PRPF6: variants seen among roughly 807,000 people sequenced by gnomAD.
PRPF6 encodes the protein pre-mRNA processing factor 6.
A neutral mutation model predicts 118.3 loss-of-function variants in PRPF6; 42 were observed. That is an observed-to-expected ratio of 0.35 (90% CI 0.28 to 0.46). The LOEUF is 0.46. PRPF6 is among the 20% of genes least tolerant of loss of function. PRPF6 has a pLI of 1.00. For synonymous variants in PRPF6, 481 were observed against 485.1 expected, an observed-to-expected ratio of 0.99 and a Z score of 0.11; for missense variants, 662 against 1,255.7, an observed-to-expected ratio of 0.53 and a Z score of 7.15.
At chr20:64,005,541 C>T (rs1255542246) in intron 9 of PRPF6, among the ~76,000 whole-genome samples, 1 of 152,010 alleles carries the variant, frequency 6.6e-6, no homozygotes, top group Non-Finnish European at 1.5e-5. Context: ...CTGCTGTCAC[C>T]CTGCTTGGTC....
At chr20:64,022,959 A>T in intron 13 of PRPF6, 81 bp downstream of exon 13, 1 of 1,596,740 alleles carries the variant, frequency 6.3e-7, no homozygotes, top group Non-Finnish European at 8.6e-7. Flanking sequence ...TAAACCTCTC[A>T]TGTCTGCTCA....
intron 14 of PRPF6, 149 bp from the exon 15 acceptor site, chr20:64,025,790 T>C: frequency 7.0e-7 from 1 of 1,426,614 alleles, no homozygotes; most frequent in Non-Finnish European, 9.8e-7. Flanking sequence ...GGCTCTGTCA[T>C]CTCCTCCCTG....
At chr20:64,023,014 A>G in intron 13 of PRPF6, 136 bp downstream of exon 13, 7 of 1,379,940 alleles carry the variant, frequency 5.1e-6, no homozygotes, top group Non-Finnish European at 6.1e-6. Context: ...GGTTGTGATG[A>G]AGGATTTTAT....
Position 64,016,854 on chromosome 20 carries a change from G to C in PRPF6, c.1647+9G>C, listed in dbSNP as rs1569221349. ...TGGAGGATGCTGACAGTGTGAGTTGGCAACAGGGGCCTTTGTCCGTAATAT... is the reference window on the plus strand; with the variant it reads ...TGGAGGATGCTGACAGTGTGAGTTGCCAACAGGGGCCTTTGTCCGTAATAT... On this transcript the variant is annotated intron_variant, in intron 12 of 20. Transcript: ENST00000266079. 2.5e-6 allele frequency: 4 copies of C among 1,614,134 alleles called. No individual in the cohort carries two copies. The highest frequency in any genetic ancestry group is 3.4e-6 in the Non-Finnish European group (4 of 1,180,010).
intron 6 of PRPF6, among the ~76,000 whole-genome samples, chr20:63,998,202 C>T (rs184343181): frequency 6.6e-6 from 1 of 151,988 alleles, no homozygotes; most frequent in East Asian, 2.0e-4. Flanking sequence ...TCATGTGATT[C>T]TCCTGCCTCA....
In PRPF6 at chr20:63,983,029, CTT is replaced by C; in HGVS notation, c.72-17_72-16del. The C allele has an allele frequency of 1.9e-6, 3 of 1,613,376 alleles. No homozygotes were observed. The highest frequency in any genetic ancestry group is 2.5e-6 in the Non-Finnish European group (3 of 1,179,748). ...ACAGAGTTATTCAGACACCCGGTGT[CTT>C]GGGGGTCTCCTGCAGCGCCACTGGC... On this transcript the variant is annotated splice_polypyrimidine_tract_variant and intron_variant, in intron 1 of 20. Coordinates refer to ENST00000266079, the MANE Select transcript of PRPF6 (RefSeq NM_012469.4).
intron 9 of PRPF6, among the ~76,000 whole-genome samples, chr20:64,003,665 G>A (rs186682869): frequency 1.3e-5 from 2 of 152,042 alleles, no homozygotes; most frequent in African/African-American, 2.4e-5. Flanking sequence ...GCACGACCTC[G>A]GCTCTCTGCA....
intron 4 of PRPF6, 122 bp from the exon 5 acceptor site, chr20:63,994,794 G>C (rs538797946): frequency 7.9e-6 from 10 of 1,268,076 alleles, no homozygotes; most frequent in Non-Finnish European, 1.1e-5. Context: ...AACAGTTGCT[G>C]CATCCAAATC....
intron 9 of PRPF6, among the ~76,000 whole-genome samples, chr20:64,005,284 C>T (rs1484078772): frequency 2.6e-5 from 4 of 152,096 alleles, no homozygotes; most frequent in Non-Finnish European, 5.9e-5. Context: ...TCCTGGGAGT[C>T]GTAAGTTAAT....
In PRPF6 at chr20:64,029,652, G is replaced by A. The variant is rs963870878; in HGVS notation, c.2546+161G>A. Among the ~76,000 whole-genome samples, 4 of 152,284 alleles carry A rather than the reference G, an allele frequency of 2.6e-5. No homozygotes were observed. The highest frequency in any genetic ancestry group is 9.6e-5 in the African/African-American group (4 of 41,480). On this transcript the variant is annotated intron_variant, in intron 19 of 20. Coordinates refer to ENST00000266079, the MANE Select transcript of PRPF6 (RefSeq NM_012469.4). The surrounding 1 kb of genome is among the most constrained non-coding windows in gnomAD (Gnocchi z 4.8). ...GCTCCTGCTGTGGTCTGGGGCAGGC[G>A]CCTCTCCTGGCAGACACACCTGAGG...
Position 64,016,728 on chromosome 20 carries a change from C to T in PRPF6, c.1530C>T (p.Ala510=), listed in dbSNP as rs375432837. Residue 510 remains alanine (A), a synonymous_variant, in exon 12 of 21, where the codon GCC becomes GCT. Transcript: ENST00000266079. ...GTTTTGTGTTCCTCTTTCAGGATGCCGAGGAATGTGACAGGGCTGGGAGTG... is the reference window on the plus strand; with the variant it reads ...GTTTTGTGTTCCTCTTTCAGGATGCTGAGGAATGTGACAGGGCTGGGAGTG... The part of the protein sequence containing the change: ...EINREQWIQD[A]EECDRAGSVA... The T allele has an allele frequency of 2.2e-5, 35 of 1,613,908 alleles. No individual in the cohort carries two copies. The Middle Eastern group carries it at 6.6e-4, about 30-fold the overall frequency.
At position 64,026,098 on chromosome 20, in the gene PRPF6, T is replaced by C. The variant is rs1396118992; in HGVS notation, c.2028+40T>C. Reference sequence around the variant, plus strand: ...GCAGGGCTGGGCCGTCTGGGGTGCATGGTGTGCACATGCGGGCCCCACGCC... The same window carrying C: ...GCAGGGCTGGGCCGTCTGGGGTGCACGGTGTGCACATGCGGGCCCCACGCC... On this transcript the variant is annotated intron_variant, in intron 15 of 20. Coordinates refer to ENST00000266079, the MANE Select transcript of PRPF6 (RefSeq NM_012469.4). The surrounding 1 kb of genome is among the most constrained non-coding windows in gnomAD (Gnocchi z 4.4). 7 of 1,597,514 alleles carry C rather than the reference T, an allele frequency of 4.4e-6. No homozygotes were observed. In the Admixed American group the frequency reaches 8.3e-5, roughly 19 times the overall value.
intron 3 of PRPF6, among the ~76,000 whole-genome samples, chr20:63,986,505 T>C (rs1372323057): frequency 4.6e-5 from 7 of 150,866 alleles, no homozygotes; most frequent in African/African-American, 1.7e-4. Flanking sequence ...TTTTTTTTTT[T>C]TGAGACGGAG....
In PRPF6 at chr20:63,995,341, T is replaced by G; in HGVS notation, c.630T>G (p.Leu210=). 6.2e-7 allele frequency: 1 copy of G among 1,612,870 alleles called. No homozygotes were observed. Among genetic ancestry groups the G allele is most frequent in the Non-Finnish European group, 8.5e-7 (1 of 1,179,448 alleles). ...TTCCCCTCCAGCAATTTGGAGGTCT[T>G]AACACACCCTATCCAGGTGGACTAA... The part of the protein sequence containing the change: ...VDPRQTQFGG[L]NTPYPGGLNT... The change falls in exon 6 of 21, where the codon CTT becomes CTG. Residue 210 remains leucine (L), a synonymous_variant. Coordinates refer to ENST00000266079, the MANE Select transcript of PRPF6 (RefSeq NM_012469.4).
chr20:63,986,907 G>A (rs962522586), intron 3 of PRPF6, among the ~76,000 whole-genome samples: 10 of 151,048 alleles, frequency 6.6e-5, no homozygotes, highest in Non-Finnish European at 1.0e-4. Flanking sequence ...GGTGGCTCAC[G>A]TCTGTAATCC....
intron 3 of PRPF6, among the ~76,000 whole-genome samples, chr20:63,989,378 C>T (rs879722247): frequency 3.9e-5 from 6 of 151,952 alleles, no homozygotes; most frequent in African/African-American, 7.3e-5. Flanking sequence ...TGTGGTGGCT[C>T]GCTCCCGTGA....
intron 12 of PRPF6, among the ~76,000 whole-genome samples, chr20:64,020,868 C>T (rs2059259560): frequency 2.0e-5 from 3 of 150,412 alleles, no homozygotes; most frequent in Non-Finnish European, 1.5e-5. Flanking sequence ...CACCCTGCAA[C>T]CTCCGCCTCC....
intron 14 of PRPF6, 132 bp downstream of exon 14, chr20:64,024,825 C>T: frequency 7.3e-7 from 1 of 1,363,008 alleles, no homozygotes; most frequent in Non-Finnish European, 1.0e-6. Context: ...AGTCCAGGGG[C>T]TGCTCCACAG....
intron 5 of PRPF6, 61 bp downstream of exon 5, chr20:63,995,153 T>C: frequency 6.2e-7 from 1 of 1,609,776 alleles, no homozygotes; most frequent in Non-Finnish European, 8.5e-7. Flanking sequence ...GTGGCAGGAA[T>C]GGTGGGTGGT....
Sources: allele counts gnomAD v4.1 joint callset (sites outside exome capture counted in the v4.1 genomes callset), GRCh38; gene constraint gnomAD v4.1.1; non-coding constraint Gnocchi (gnomAD v3.1); transcripts MANE v1.5; gene names NCBI Gene and HGNC (gene_info 2026-07-23, HGNC 2026-07-21).